PRIMA1: variants seen among roughly 807,000 people sequenced by gnomAD.
The protein encoded by PRIMA1 is proline-rich membrane anchor 1.
PRIMA1 carries 7 observed loss-of-function variants against 17.5 expected under a neutral mutation model. That is an observed-to-expected ratio of 0.40 (90% CI 0.23 to 0.75). The LOEUF is 0.75. Ranked by LOEUF, PRIMA1 falls within the 30% of genes least tolerant of loss-of-function variation. The pLI is 0.37. For synonymous variants in PRIMA1, 97 were observed against 77.9 expected (o/e 1.25, Z -1.29); for missense variants, 200 against 201.8 (o/e 0.99, Z 0.05).
intron 4 of PRIMA1, among the ~76,000 whole-genome samples, chr14:93,735,577 C>A (rs1002194223): frequency 6.6e-5 from 10 of 152,166 alleles, no homozygotes; most frequent in African/African-American, 2.4e-4. Context: ...CTCTGTCTTA[C>A]CTCTTTGTAT....
chr14:93,723,276 C>T (rs1223037131), intron 4 of PRIMA1, among the ~76,000 whole-genome samples: 2 of 152,152 alleles, frequency 1.3e-5, no homozygotes, highest in Middle Eastern at 3.2e-3. Context: ...GCTGTCCAGG[C>T]TGGACACTTA....
intron 3 of PRIMA1, 51 bp downstream of exon 3, chr14:93,779,125 G>C: frequency 7.3e-7 from 1 of 1,362,466 alleles, no homozygotes; most frequent in Non-Finnish European, 9.7e-7. Context: ...ATCTTCGTGG[G>C]CCTAGGAAAA....
chr14:93,783,366 G>C lies in PRIMA1; in HGVS notation c.94-4055C>G, dbSNP rs183005711. Among the ~76,000 whole-genome samples the C allele has an allele frequency of 1.5e-3, 223 of 152,326 alleles. 1 individual carries two copies. The highest frequency in any genetic ancestry group is 4.7e-3 in the African/African-American group (194 of 41,574). ...ACAGTTGCCCAAGGCCCAGCATTCA[G>C]TTGGCACAATGCCCACCAGTGGGGA... On this transcript the variant is annotated intron_variant, in intron 2 of 4. Coordinates refer to ENST00000393140, the MANE Select transcript of PRIMA1 (RefSeq NM_178013.4).
intron 3 of PRIMA1, among the ~76,000 whole-genome samples, chr14:93,753,086 T>C (rs1306547122): frequency 2.0e-5 from 3 of 152,198 alleles, no homozygotes; most frequent in Non-Finnish European, 4.4e-5. Flanking sequence ...CAGGGCTCTT[T>C]CCTGGCTTCT....
At chr14:93,778,775 C>A (rs1460059635) in intron 3 of PRIMA1, among the ~76,000 whole-genome samples, 1 of 152,176 alleles carries the variant, frequency 6.6e-6, no homozygotes, top group African/African-American at 2.4e-5. Context: ...GCTCCCAGAG[C>A]ACTGACTTTG....
At position 93,718,983 on chromosome 14, in the gene PRIMA1, G is replaced by A. The variant is rs562277840; in HGVS notation, c.*2461C>T. On this transcript the variant is annotated 3_prime_UTR_variant, in exon 5 of 5. Coordinates refer to ENST00000393140, the MANE Select transcript of PRIMA1 (RefSeq NM_178013.4). ...CCGGCAGGGTTTTAAGTACCCTTAT[G>A]TCTCTGTAAGCTCAAAATCTAGTGG... 2.9e-4 allele frequency: 44 copies of A among 152,148 alleles called. No homozygotes were observed. Among genetic ancestry groups the A allele is most frequent in the Non-Finnish European group, 4.6e-4 (31 of 68,026 alleles). 9.4% of individuals were successfully genotyped at this position (152,148 alleles called of 1,614,324 possible).
In PRIMA1 at chr14:93,761,072, G is replaced by A. The variant is rs117644361; in HGVS notation, c.229+18104C>T. ...AAAAAAAACCCACCTCTGGCTGGGC[G>A]CAGTGGCTCAAGCCTATAATCCCAG... On this transcript the variant is annotated intron_variant, in intron 3 of 4. Coordinates refer to ENST00000393140, the MANE Select transcript of PRIMA1 (RefSeq NM_178013.4). Among the ~76,000 whole-genome samples, 104 of 150,874 alleles carry A rather than the reference G, an allele frequency of 6.9e-4. No individual in the cohort carries two copies. The East Asian group carries it at 0.015, about 22-fold the overall frequency.
At position 93,726,875 on chromosome 14, in the gene PRIMA1, AC is replaced by A. The variant is rs763415106; in HGVS notation, c.360-5330del. Among the ~76,000 whole-genome samples, 2 of 152,198 alleles carry A rather than the reference AC, an allele frequency of 1.3e-5. No homozygotes were observed. The highest frequency in any genetic ancestry group is 1.5e-5 in the Non-Finnish European group (1 of 68,034). ...CATATGCACACATACACATATGTGC[AC>A]ATGCATGCACACATACATATGAATA... On this transcript the variant is annotated intron_variant, in intron 4 of 4. Transcript: ENST00000393140. The surrounding 1 kb of genome is among the most constrained non-coding windows in gnomAD (Gnocchi z 4.2).
intron 3 of PRIMA1, among the ~76,000 whole-genome samples, chr14:93,751,853 C>G (rs2076261512): frequency 1.3e-5 from 2 of 152,192 alleles, no homozygotes; most frequent in Admixed American, 1.3e-4. Flanking sequence ...GCTGTGTTGT[C>G]TAATACAGTA....
chr14:93,740,527 AT>A (rs2141163664), intron 3 of PRIMA1, among the ~76,000 whole-genome samples: 1 of 152,272 alleles, frequency 6.6e-6, no homozygotes, highest in East Asian at 1.9e-4. Context: ...AAGGGAAGCA[AT>A]TTTGGTTTCC....
intron 2 of PRIMA1, among the ~76,000 whole-genome samples, chr14:93,779,806 G>A (rs1885327368): frequency 6.6e-6 from 1 of 152,154 alleles, no homozygotes; most frequent in Non-Finnish European, 1.5e-5. Flanking sequence ...TCTACTCTGG[G>A]GCAAGGCCCC....
At position 93,720,810 on chromosome 14, in the gene PRIMA1, A is replaced by T. The variant is rs1276790633; in HGVS notation, c.*634T>A. ...GGAGGGGATTCTGCAGGCTGGACTC[A>T]CAGCCCTCCATGGCAGGCAGTCAGG... On this transcript the variant is annotated 3_prime_UTR_variant, in exon 5 of 5. Coordinates refer to ENST00000393140, the MANE Select transcript of PRIMA1 (RefSeq NM_178013.4). 2.0e-5 allele frequency: 3 copies of T among 152,434 alleles called. No homozygotes were observed. Among genetic ancestry groups the T allele is most frequent in the African/African-American group, 7.2e-5 (3 of 41,468 alleles). 9.4% of individuals were successfully genotyped at this position (152,434 alleles called of 1,614,324 possible).
At chr14:93,740,425 G>A (rs986185161) in intron 3 of PRIMA1, among the ~76,000 whole-genome samples, 14 of 152,320 alleles carry the variant, frequency 9.2e-5, no homozygotes, top group Admixed American at 6.5e-4. Flanking sequence ...AGTCACTGCT[G>A]GAGAGTCAGA....
At chr14:93,788,684 C>T (rs1353003969), upstream of PRIMA1, among the ~76,000 whole-genome samples, 1 of 152,098 alleles carries the variant, frequency 6.6e-6, no homozygotes, top group African/African-American at 2.4e-5. Flanking sequence ...CCAGGAGCGG[C>T]GTCCTCGCAC....
intron 2 of PRIMA1, among the ~76,000 whole-genome samples, chr14:93,781,202 T>C (rs924172263): frequency 1.3e-5 from 2 of 152,242 alleles, no homozygotes; most frequent in African/African-American, 2.4e-5. Flanking sequence ...AAGGCAATCT[T>C]CTCTCCCACT....
intron 4 of PRIMA1, among the ~76,000 whole-genome samples, chr14:93,727,862 C>G (rs2076088917): frequency 6.6e-6 from 1 of 151,950 alleles, no homozygotes; most frequent in Non-Finnish European, 1.5e-5. Flanking sequence ...GCCATCTGTT[C>G]TTCCTAGAGG....
chr14:93,725,415 G>A (rs910921734), intron 4 of PRIMA1, among the ~76,000 whole-genome samples: 1 of 152,136 alleles, frequency 6.6e-6, no homozygotes, highest in Non-Finnish European at 1.5e-5. Flanking sequence ...GCAGCCCATG[G>A]AAGCTGGGTG....
chr14:93,728,116 C>T (rs182476000), intron 4 of PRIMA1, among the ~76,000 whole-genome samples: 4 of 152,316 alleles, frequency 2.6e-5, no homozygotes, highest in South Asian at 4.1e-4. Flanking sequence ...AGGCACAGGG[C>T]GCCTCTCTTC....
At chr14:93,724,311 C>T (rs112560937) in intron 4 of PRIMA1, among the ~76,000 whole-genome samples, 5 of 152,312 alleles carry the variant, frequency 3.3e-5, no homozygotes, top group South Asian at 2.1e-4. Flanking sequence ...ATATCCCACA[C>T]GTGAATCTGA....
Sources: gnomAD v4.1 joint callset for allele counts (sites outside exome capture counted in the v4.1 genomes callset) on GRCh38, gnomAD v4.1.1 for gene constraint, Gnocchi (gnomAD v3.1) non-coding constraint, MANE v1.5 for transcripts, NCBI Gene and HGNC (gene_info 2026-07-23, HGNC 2026-07-21) for gene names.